The following GSTA4 variants were observed in gnomAD, a reference collection of about 807,000 sequenced individuals.
The protein encoded by GSTA4 is glutathione S-transferase alpha 4.
GSTA4 carries 15 observed loss-of-function variants against 24.4 expected under a neutral mutation model. The observed-to-expected ratio is 0.61, with a 90% CI of 0.41 to 0.95. GSTA4 has a LOEUF of 0.95. GSTA4 is among the 40% of genes least tolerant of loss of function. The pLI, the probability that GSTA4 is intolerant of heterozygous loss-of-function variation, is 0.00. For missense variants in GSTA4, 244 were observed against 262.1 expected (o/e 0.93, Z 0.48); for synonymous variants, 92 against 94.2 (o/e 0.98, Z 0.13).
In GSTA4 at chr6:52,995,128, G is replaced by A. The variant is rs112772821; in HGVS notation, c.-19+121C>T. ...AGGACAAGAGGAAGAAAAGACAAGA[G>A]AAGGACTGAACTGGGGGAGTGAGGG... On this transcript the variant is annotated intron_variant, in intron 1 of 6. Transcript: ENST00000370963. 1.7e-3 allele frequency: 259 copies of A among 153,140 alleles called. 2 individuals carry two copies. The highest frequency in any genetic ancestry group is 5.9e-3 in the African/African-American group (247 of 41,608). The allele number at this position is 153,140 out of a possible 1,614,324, so 9.5% of individuals were successfully genotyped here.
intron 1 of GSTA4, 66 bp from the exon 2 acceptor site, chr6:52,994,327 C>A: frequency 1.3e-6 from 1 of 763,282 alleles, no homozygotes; most frequent in Non-Finnish European, 2.3e-6. Flanking sequence ...CAACCCAGTG[C>A]TCAGGGGCGA....
chr6:52,992,331 G>A (rs944605308), intron 2 of GSTA4, among the ~76,000 whole-genome samples: 1 of 152,174 alleles, frequency 6.6e-6, no homozygotes, highest in Non-Finnish European at 1.5e-5. Flanking sequence ...GAAGAAATGA[G>A]TGGAGATAAA....
intron 3 of GSTA4, 92 bp downstream of exon 3, chr6:52,987,265 C>A: frequency 1.3e-6 from 1 of 784,618 alleles, no homozygotes; most frequent in South Asian, 1.6e-5. Context: ...TCTGAATGTT[C>A]AGTGTCATTG....
At chr6:52,979,671 G>A (rs1316524745) in intron 6 of GSTA4, among the ~76,000 whole-genome samples, 1 of 118,714 alleles carries the variant, frequency 8.4e-6, no homozygotes, top group African/African-American at 3.0e-5. Flanking sequence ...AAGTGAAGAG[G>A]TCATTTTAAA....
intron 5 of GSTA4, among the ~76,000 whole-genome samples, chr6:52,983,229 T>C (rs1358391850): frequency 6.6e-6 from 1 of 152,226 alleles, no homozygotes; most frequent in Non-Finnish European, 1.5e-5. Context: ...AGACTTCCTC[T>C]TACATGTCCC....
At chr6:52,987,634 C>T (rs1763588175) in intron 2 of GSTA4, 1 of 464,344 alleles carries the variant, frequency 2.2e-6, no homozygotes, top group East Asian at 3.9e-5. Context: ...TTACTAGAGG[C>T]TGGGAAGTGT....
chr6:52,981,103 ATGAAAAAAAAAT>A (rs1475456724), intron 6 of GSTA4, among the ~76,000 whole-genome samples: 2 of 152,198 alleles, frequency 1.3e-5, no homozygotes, highest in African/African-American at 2.4e-5. Context: ...GCAAAAGTAA[ATGAAAAAAAAAT>A]TGAAAAAAAA....
chr6:52,982,902 A>C (rs1470627017), intron 5 of GSTA4, among the ~76,000 whole-genome samples, 197 bp from the exon 6 acceptor site: 1 of 128,606 alleles, frequency 7.8e-6, no homozygotes, highest in Admixed American at 7.8e-5. Flanking sequence ...AGAGAGAGAG[A>C]GCGAGAGAGA....
chr6:52,984,689 T>G (rs1057114952), intron 4 of GSTA4, 84 bp from the exon 5 acceptor site: 22 of 1,264,314 alleles, frequency 1.7e-5, no homozygotes, highest in Non-Finnish European at 2.3e-5. Flanking sequence ...AGTGCTTTTT[T>G]TTTTTTTTTT....
intron 1 of GSTA4, among the ~76,000 whole-genome samples, chr6:52,994,590 T>G (rs1763730039): frequency 1.3e-5 from 2 of 152,102 alleles, no homozygotes; most frequent in South Asian, 4.1e-4. Flanking sequence ...GAATCTCAGA[T>G]TTTCCAAATT....
chr6:52,993,555 T>A (rs1297649537), intron 2 of GSTA4, among the ~76,000 whole-genome samples: 3 of 152,190 alleles, frequency 2.0e-5, no homozygotes, highest in Non-Finnish European at 2.9e-5. Context: ...AACTCCCAGA[T>A]GAAATGTTAT....
rs768373239 is a variant in GSTA4, at chr6:52,987,387, T to A, written c.109A>T (p.Thr37Ser). The change falls in exon 3 of 7, where the codon ACA becomes TCA. Residue 37 changes from threonine to serine, a missense_variant. By Grantham distance (58) the Thr-to-Ser change is moderately conservative (BLOSUM62 1). Coordinates refer to ENST00000370963, the MANE Select transcript of GSTA4 (RefSeq NM_001512.4). ...GVEFDEEFLE[T>S]KEQLYKLQDG... ...TGCAACTTGTACAACTGTTCTTTTG[T>A]TTCCAGAAATTCTTCATCAAACTAA... 3 of 1,585,340 alleles carry A rather than the reference T, an allele frequency of 1.9e-6. No homozygotes were observed. Among genetic ancestry groups the A allele is most frequent in the Non-Finnish European group, 2.6e-6 (3 of 1,155,398 alleles).
In GSTA4 at chr6:52,994,220, G is replaced by C. The variant is rs754539343; in HGVS notation, c.24C>G (p.His8Gln). Residue 8 changes from histidine (H) to glutamine (Q), a missense_variant, in exon 2 of 7, where the codon CAC becomes CAG. Transcript: ENST00000370963. MAARPKL[H>Q]YPNGRGRMES... is the part of the protein sequence containing the mutation. ...CCATCCGGCCTCTTCCGTTGGGATA[G>C]TGGAGCTTGGGCCTTGCTGCCATGA... 1.2e-5 allele frequency: 20 copies of C among 1,613,316 alleles called. No individual in the cohort carries two copies. Among genetic ancestry groups the C allele is most frequent in the Middle Eastern group, 1.6e-4 (1 of 6,080 alleles).
Position 52,991,117 on chromosome 6 carries a change from G to T in GSTA4, c.87+3040C>A, listed in dbSNP as rs200496988. ...CATTTGCATCTTTGGAGGTTGCTAG[G>T]GCAACAACGCATTATTGTGAAAATT... is the stretch of plus-strand genomic sequence containing the variant. On this transcript the variant is annotated intron_variant, in intron 2 of 6. Coordinates refer to ENST00000370963, the MANE Select transcript of GSTA4 (RefSeq NM_001512.4). 3.3e-5 allele frequency among the ~76,000 whole-genome samples: 5 copies of T among 152,234 alleles called. No homozygotes were observed. In the East Asian group the frequency reaches 9.6e-4, roughly 29 times the overall value.
intron 5 of GSTA4, among the ~76,000 whole-genome samples, chr6:52,983,459 A>T (rs1410220682): frequency 6.6e-6 from 1 of 152,202 alleles, no homozygotes; most frequent in Non-Finnish European, 1.5e-5. Context: ...TCCAGGTCAA[A>T]TATAGCTACT....
intron 6 of GSTA4, among the ~76,000 whole-genome samples, chr6:52,980,167 A>G (rs529478482): frequency 1.2e-4 from 19 of 152,328 alleles, no homozygotes; most frequent in African/African-American, 4.6e-4. Context: ...ACAGTTTACC[A>G]AAAAACCTTG....
chr6:52,979,936 A>G (rs1190139160), intron 6 of GSTA4, among the ~76,000 whole-genome samples: 1 of 152,242 alleles, frequency 6.6e-6, no homozygotes, highest in Non-Finnish European at 1.5e-5. Context: ...CATAGTTATC[A>G]AAGTATAGTA....
intron 6 of GSTA4, among the ~76,000 whole-genome samples, chr6:52,979,413 G>A (rs1330555483): frequency 6.6e-6 from 1 of 152,204 alleles, no homozygotes; most frequent in African/African-American, 2.4e-5. Context: ...GCTATGTGCA[G>A]GAAATAGCCA....
Position 52,978,385 on chromosome 6 carries a change from T to A in GSTA4, c.*85A>T, listed in dbSNP as rs1763384762. Reference sequence around the variant, plus strand: ...CCAACTTAATACATAGATAGCACCATGACAGAGCTGGGATCCATTAAGACA... The same window carrying A: ...CCAACTTAATACATAGATAGCACCAAGACAGAGCTGGGATCCATTAAGACA... On this transcript the variant is annotated 3_prime_UTR_variant, in exon 7 of 7. Coordinates refer to ENST00000370963, the MANE Select transcript of GSTA4 (RefSeq NM_001512.4). The A allele has an allele frequency of 7.3e-7, 1 of 1,370,896 alleles. No homozygotes were observed. The highest frequency in any genetic ancestry group is 1.0e-6 in the Non-Finnish European group (1 of 983,080). 84.9% of individuals were successfully genotyped at this position (1,370,896 alleles called of 1,614,324 possible). A position where few individuals can be genotyped will look rare whatever the true frequency, so the allele number is the denominator to read the frequency against.
Sources: gnomAD v4.1 joint callset for allele counts (sites outside exome capture counted in the v4.1 genomes callset) on GRCh38, gnomAD v4.1.1 for gene constraint, MANE v1.5 for transcripts, NCBI Gene and HGNC (gene_info 2026-07-23, HGNC 2026-07-21) for gene names.